RBFOX3: variants seen among roughly 807,000 people sequenced by gnomAD.
The protein encoded by RBFOX3 is RNA binding protein fox-1 homolog 3.
RBFOX3 carries 17 observed loss-of-function variants against 48.7 expected under a neutral mutation model. The ratio of observed to expected loss-of-function variants is 0.35; its 90% CI spans 0.24 to 0.52. RBFOX3 has a LOEUF of 0.52. Among genes scored for constraint, RBFOX3 ranks in the 20% least tolerant of loss-of-function variants. The pLI is 0.94. For missense variants in RBFOX3, 382 were observed against 497.5 expected (o/e 0.77, Z 2.21); for synonymous variants, 212 against 209.5 (o/e 1.01, Z -0.10).
intron 4 of RBFOX3, among the ~76,000 whole-genome samples, chr17:79,172,231 A>C (rs1447426955): frequency 6.6e-6 from 1 of 152,016 alleles, no homozygotes; most frequent in Non-Finnish European, 1.5e-5. Flanking sequence ...TTATTTTCCC[A>C]AATGAGGACA....
At chr17:79,458,726 A>T (rs7209972) in intron 2 of RBFOX3, among the ~76,000 whole-genome samples, 54,316 of 151,900 alleles carry the variant, frequency 0.36, 10,105 homozygotes, top group Admixed American at 0.43. Flanking sequence ...GCGGAGGAGC[A>T]ATTTCCTGGT....
Position 79,410,857 on chromosome 17 carries a change from C to A in RBFOX3, c.-175+71597G>T, listed in dbSNP as rs1254401184. Reference sequence around the variant, plus strand: ...GACTGCCGGCCCCAGGAAGGCAAGGCCCCGCCATACCAGCTGCTCACCTGT... The same window carrying A: ...GACTGCCGGCCCCAGGAAGGCAAGGACCCGCCATACCAGCTGCTCACCTGT... On this transcript the variant is annotated intron_variant, in intron 2 of 14. Coordinates refer to ENST00000693108, the MANE Select transcript of RBFOX3 (RefSeq NM_001350451.2). 2.0e-5 allele frequency among the ~76,000 whole-genome samples: 3 copies of A among 152,264 alleles called. No individual in the cohort carries two copies. In the East Asian group the frequency reaches 5.8e-4, roughly 29 times the overall value.
chr17:79,396,107 G>C (rs1035647843), intron 2 of RBFOX3, among the ~76,000 whole-genome samples: 1 of 152,264 alleles, frequency 6.6e-6, no homozygotes, highest in Non-Finnish European at 1.5e-5. Context: ...TAACAGGGCA[G>C]GGTGCAAAGC....
chr17:79,204,299 G>T lies in RBFOX3; in HGVS notation c.-34+31467C>A, dbSNP rs543583810. Reference sequence around the variant, plus strand: ...CGCCGGGGAGCGGACACACACCAGCGGGCGCCGGGGAGCGGGTACACACCA... The same window carrying T: ...CGCCGGGGAGCGGACACACACCAGCTGGCGCCGGGGAGCGGGTACACACCA... On this transcript the variant is annotated intron_variant, in intron 4 of 14. Coordinates refer to ENST00000693108, the MANE Select transcript of RBFOX3 (RefSeq NM_001350451.2). The surrounding 1 kb of genome is among the most constrained non-coding windows in gnomAD (Gnocchi z 4.5). Among the ~76,000 whole-genome samples, 1 of 152,086 alleles carries T rather than the reference G, an allele frequency of 6.6e-6. No individual in the cohort carries two copies. The highest frequency in any genetic ancestry group is 1.5e-5 in the Non-Finnish European group (1 of 68,014).
At chr17:79,159,016 C>T (rs1184686090) in intron 4 of RBFOX3, among the ~76,000 whole-genome samples, 1 of 152,222 alleles carries the variant, frequency 6.6e-6, no homozygotes, top group African/African-American at 2.4e-5. Flanking sequence ...GGCGAGGCTG[C>T]AGGCCATGTC....
chr17:79,453,061 G>T (rs1266688356), intron 2 of RBFOX3, among the ~76,000 whole-genome samples: 1 of 152,262 alleles, frequency 6.6e-6, no homozygotes, highest in African/African-American at 2.4e-5. Flanking sequence ...TCCCTCAGGA[G>T]ATTGCTTTGA....
chr17:79,560,268 AC>A (rs1269031604), intron 1 of RBFOX3, among the ~76,000 whole-genome samples: 1 of 151,996 alleles, frequency 6.6e-6, no homozygotes, highest in African/African-American at 2.4e-5. Flanking sequence ...GCTGAGGGAG[AC>A]CCGAAAAGCC....
At chr17:79,141,124 G>A (rs113641036) in intron 4 of RBFOX3, among the ~76,000 whole-genome samples, 6 of 152,224 alleles carry the variant, frequency 3.9e-5, no homozygotes, top group South Asian at 2.1e-4. Context: ...TGGCTCACGC[G>A]GCTGTCGATA....
At chr17:79,570,152 A>G in intron 1 of RBFOX3, among the ~76,000 whole-genome samples, 1 of 150,656 alleles carries the variant, frequency 6.6e-6, no homozygotes, top group South Asian at 2.1e-4. Context: ...AAATGGACAG[A>G]TGGATAATAG....
intron 2 of RBFOX3, among the ~76,000 whole-genome samples, chr17:79,312,543 AG>A (rs1445678790): frequency 6.6e-6 from 1 of 152,080 alleles, no homozygotes; most frequent in Non-Finnish European, 1.5e-5. Flanking sequence ...AGACCAGACC[AG>A]GGTCCCCAAG....
chr17:79,328,286 C>T (rs1468140513), intron 2 of RBFOX3, among the ~76,000 whole-genome samples: 1 of 152,196 alleles, frequency 6.6e-6, no homozygotes, highest in Non-Finnish European at 1.5e-5. Flanking sequence ...TCTTACTCTG[C>T]AGAACTGGCC....
chr17:79,096,566 C>T (rs1376203983), intron 12 of RBFOX3, 87 bp downstream of exon 12: 17 of 1,169,954 alleles, frequency 1.5e-5, no homozygotes, highest in East Asian at 1.0e-4. Flanking sequence ...ATGGGAGGAG[C>T]GGGCAGTGAG....
At chr17:79,175,520 G>A (rs72856438) in intron 4 of RBFOX3, among the ~76,000 whole-genome samples, 22,861 of 152,288 alleles carry the variant, frequency 0.15, 1,834 homozygotes, top group African/African-American at 0.19. Context: ...TCCCGCGGGC[G>A]TGCTGCCCAC....
At chr17:79,597,804 C>G (rs1599255950) in intron 1 of RBFOX3, among the ~76,000 whole-genome samples, 4 of 152,246 alleles carry the variant, frequency 2.6e-5, no homozygotes, top group African/African-American at 9.6e-5. Context: ...GCAGGGCCCC[C>G]AAAGTGGAAA....
chr17:79,477,435 A>T lies in RBFOX3; in HGVS notation c.-175+5019T>A, dbSNP rs1246394138. On this transcript the variant is annotated intron_variant, in intron 2 of 14. Transcript: ENST00000693108. The surrounding 1 kb of genome is among the most constrained non-coding windows in gnomAD (Gnocchi z 4.8). ...GCCAGACGTGGTGGCGGGCGCCTGT[A>T]GTCCCAGCTACTTGGGAGGCTGAGG... is the stretch of plus-strand genomic sequence containing the variant. 1.3e-5 allele frequency among the ~76,000 whole-genome samples: 2 copies of T among 151,820 alleles called. No homozygotes were observed. Among genetic ancestry groups the T allele is most frequent in the African/African-American group, 2.4e-5 (1 of 41,314 alleles).
At chr17:79,484,396 A>G (rs1034725429) in intron 1 of RBFOX3, among the ~76,000 whole-genome samples, 2 of 152,152 alleles carry the variant, frequency 1.3e-5, no homozygotes, top group African/African-American at 4.8e-5. Context: ...CCACTCTTCA[A>G]TGGCAAAAGT....
intron 4 of RBFOX3, chr17:79,234,107 T>A (rs2061357064): frequency 6.6e-6 from 1 of 152,212 alleles, no homozygotes; most frequent in Admixed American, 6.5e-5. Context: ...GAAAACTGCA[T>A]CTAACCCTGA....
intron 3 of RBFOX3, among the ~76,000 whole-genome samples, chr17:79,262,280 G>C (rs2065915117): frequency 1.3e-5 from 2 of 152,210 alleles, no homozygotes; most frequent in Non-Finnish European, 2.9e-5. Flanking sequence ...CCAGGGGCAA[G>C]TCCCGCAGCC....
chr17:79,483,942 G>A (rs998573324), intron 1 of RBFOX3, among the ~76,000 whole-genome samples: 4 of 152,112 alleles, frequency 2.6e-5, no homozygotes, highest in Non-Finnish European at 4.4e-5. Context: ...CTGGCAGGGG[G>A]TAGACCCAAG....
Sources: gnomAD v4.1 joint callset for allele counts (sites outside exome capture counted in the v4.1 genomes callset) on GRCh38, gnomAD v4.1.1 for gene constraint, Gnocchi (gnomAD v3.1) non-coding constraint, MANE v1.5 for transcripts, NCBI Gene and HGNC (gene_info 2026-07-23, HGNC 2026-07-21) for gene names.